Variants in FGD6 observed in about 807,000 individuals in gnomAD.
FGD6 encodes FYVE, RhoGEF and PH domain-containing protein 6.
FGD6 carries 90 observed loss-of-function variants against 149.4 expected under a neutral mutation model. The ratio of observed to expected loss-of-function variants is 0.60; its 90% CI spans 0.51 to 0.72. The LOEUF (loss-of-function observed/expected upper bound fraction) is 0.72. Ranked by LOEUF, FGD6 falls within the 30% of genes least tolerant of loss-of-function variation. FGD6 has a pLI of 0.00. For missense variants in FGD6, 1,437 were observed against 1,684.8 expected, an observed-to-expected ratio of 0.85 and a Z score of 2.57; for synonymous variants, 527 against 584.0, an observed-to-expected ratio of 0.90 and a Z score of 1.41.
chr12:95,150,008 A>ACG (rs1160725234), intron 5 of FGD6, among the ~76,000 whole-genome samples: 2 of 98,174 alleles, frequency 2.0e-5, no homozygotes, highest in African/African-American at 7.0e-5. Flanking sequence ...ACACACACAC[A>ACG]CACACACACA....
chr12:95,155,655 A>G (rs949910524), intron 3 of FGD6, among the ~76,000 whole-genome samples: 3 of 152,242 alleles, frequency 2.0e-5, no homozygotes, highest in African/African-American at 7.2e-5. Flanking sequence ...AACCATTAGA[A>G]TCATAAATAG....
At position 95,210,384 on chromosome 12, in the gene FGD6, G is replaced by C. The variant is rs144086293; in HGVS notation, c.900C>G (p.Pro300=). 4.3e-5 allele frequency: 69 copies of C among 1,613,540 alleles called. No homozygotes were observed. In the African/African-American group the frequency reaches 8.5e-4, roughly 20 times the overall value. The change falls in exon 2 of 21, where the codon CCC becomes CCG. Residue 300 remains proline (P), a synonymous_variant. Transcript: ENST00000343958. ...TATATGGTACTAAATGAATTTCTAA[G>C]GGACCAAGGTCTTTGACTTCTGATT... ...SKKSEVKDLG[P]LEIHLVPYTP...
chr12:95,107,575 T>A lies in FGD6; in HGVS notation c.3321A>T (p.Arg1107=). ...MKLSRKVMQP[R]MFFLFNDALL... ...CAAGTCCTCTTACCAGGAAAAACAT[T>A]CGAGGTTGCATCACTTTCCGAGACA... Residue 1107 remains arginine, a synonymous_variant, in exon 12 of 21, where the codon CGA becomes CGT. Coordinates refer to ENST00000343958, the MANE Select transcript of FGD6 (RefSeq NM_018351.4). 1.2e-6 allele frequency: 2 copies of A among 1,614,084 alleles called. No individual in the cohort carries two copies. Among genetic ancestry groups the A allele is most frequent in the Non-Finnish European group, 1.7e-6 (2 of 1,180,030 alleles).
intron 20 of FGD6, among the ~76,000 whole-genome samples, chr12:95,084,284 C>A (rs1161914738): frequency 6.6e-6 from 1 of 152,208 alleles, no homozygotes; most frequent in Non-Finnish European, 1.5e-5. Context: ...TACCTATTTT[C>A]TTTTCCCCTC....
Position 95,080,061 on chromosome 12 carries a change from C to T in FGD6, c.*1459G>A, listed in dbSNP as rs1592820536. 6.6e-6 allele frequency: 1 copy of T among 151,346 alleles called. No homozygotes were observed. Among genetic ancestry groups the T allele is most frequent in the Non-Finnish European group, 1.5e-5 (1 of 68,118 alleles). 9.4% of individuals were successfully genotyped at this position (151,346 alleles called of 1,614,324 possible). On this transcript the variant is annotated 3_prime_UTR_variant, in exon 21 of 21. Transcript: ENST00000343958. Reference sequence around the variant, plus strand: ...CTGCCTCCTGGGTTCAAGCGATGCTCCTGCCTCAGCCTGCTGAATAGCTAG... The same window carrying T: ...CTGCCTCCTGGGTTCAAGCGATGCTTCTGCCTCAGCCTGCTGAATAGCTAG...
At chr12:95,100,688 A>T (rs1878398320) in intron 14 of FGD6, 1 of 539,142 alleles carries the variant, frequency 1.9e-6, no homozygotes, top group Non-Finnish European at 3.8e-6. Flanking sequence ...GAATTCACCA[A>T]GAGCAATGTG....
chr12:95,174,354 G>T (rs941780403), intron 2 of FGD6, among the ~76,000 whole-genome samples: 1 of 152,110 alleles, frequency 6.6e-6, no homozygotes, highest in Admixed American at 6.6e-5. Context: ...TGTTTTTATC[G>T]TAATTCCTTA....
intron 8 of FGD6, among the ~76,000 whole-genome samples, chr12:95,129,481 C>T (rs773360296): frequency 6.6e-6 from 1 of 152,074 alleles, no homozygotes; most frequent in Non-Finnish European, 1.5e-5. Flanking sequence ...AGGATCTATG[C>T]CTGACACTGG....
intron 3 of FGD6, among the ~76,000 whole-genome samples, chr12:95,156,404 A>C (rs191159859): frequency 6.6e-6 from 1 of 151,976 alleles, no homozygotes; most frequent in South Asian, 2.1e-4. Flanking sequence ...GATGAAATAA[A>C]CCCCAGTCTC....
At chr12:95,117,680 G>C (rs915369271) in intron 8 of FGD6, among the ~76,000 whole-genome samples, 2 of 152,152 alleles carry the variant, frequency 1.3e-5, no homozygotes, top group Admixed American at 6.5e-5. Context: ...TCTCACCCTG[G>C]CCTCCCAAAG....
In FGD6 at chr12:95,217,224, C is replaced by T. The variant is rs776451150; in HGVS notation, c.16+1G>A. 1 of 1,612,342 alleles carries T rather than the reference C, an allele frequency of 6.2e-7. No homozygotes were observed. The highest frequency in any genetic ancestry group is 1.1e-5 in the South Asian group (1 of 90,960). ...GCGGCAGCGCGAGCGCCGTCACTTA[C>T]CGGCTGCAGAAGTCATGATTCCCCG... is the stretch of plus-strand genomic sequence containing the variant. On this transcript the variant is annotated splice_donor_variant, in intron 1 of 20. Coordinates refer to ENST00000343958, the MANE Select transcript of FGD6 (RefSeq NM_018351.4). LOFTEE classifies it high-confidence loss of function.
chr12:95,125,693 A>G, intron 8 of FGD6: 1 of 499,376 alleles, frequency 2.0e-6, no homozygotes, highest in South Asian at 2.1e-5. Flanking sequence ...ATTCAATACT[A>G]TCTCTCAAAA....
chr12:95,084,551 G>A lies in FGD6; in HGVS notation c.4203C>T (p.His1401=), dbSNP rs773391972. The A allele has an allele frequency of 1.2e-6, 2 of 1,604,846 alleles. No homozygotes were observed. The highest frequency in any genetic ancestry group is 1.7e-6 in the Non-Finnish European group (2 of 1,176,912). Residue 1401 remains histidine, a synonymous_variant, in exon 20 of 21, where the codon CAC becomes CAT. Transcript: ENST00000343958. The part of the protein sequence containing the change: ...NSESKVFQLL[H]KNMLFYVFKA... ...TGAATACATAAAATAACATGTTTTT[G>A]TGCAGTAACTGAAATACTTTAGACT...
At chr12:95,201,640 G>A (rs1322710242) in intron 2 of FGD6, among the ~76,000 whole-genome samples, 3 of 152,026 alleles carry the variant, frequency 2.0e-5, no homozygotes, top group African/African-American at 7.2e-5. Flanking sequence ...AGAACATAGT[G>A]GGCCCTCCTT....
intron 8 of FGD6, among the ~76,000 whole-genome samples, chr12:95,128,784 G>A (rs1307262527): frequency 6.6e-6 from 1 of 152,204 alleles, no homozygotes; most frequent in Non-Finnish European, 1.5e-5. Context: ...CCAGCTCAGG[G>A]CCAACTTATA....
chr12:95,210,405 T>G lies in FGD6; in HGVS notation c.879A>C (p.Ser293=), dbSNP rs1317708670. The G allele has an allele frequency of 6.2e-7, 1 of 1,614,084 alleles. No homozygotes were observed. The highest frequency in any genetic ancestry group is 1.7e-5 in the Admixed American group (1 of 59,998). The change falls in exon 2 of 21, where the codon TCA becomes TCC. Residue 293 remains serine (S), a synonymous_variant. Transcript: ENST00000343958. ...LISSDGVSKK[S]EVKDLGPLEI... is the part of the protein sequence containing the mutation. The stretch of plus-strand genomic sequence containing the variant: ...CTAAGGGACCAAGGTCTTTGACTTC[T>G]GATTTCTTACTAACTCCATCTGAAG...
intron 1 of FGD6, among the ~76,000 whole-genome samples, chr12:95,216,025 G>A (rs2056763491): frequency 6.6e-6 from 1 of 152,190 alleles, no homozygotes; most frequent in East Asian, 1.9e-4. Context: ...AGAAAAGAGA[G>A]TTTATAAAGA....
intron 8 of FGD6, among the ~76,000 whole-genome samples, chr12:95,129,533 A>C (rs1879456837): frequency 6.6e-6 from 1 of 152,228 alleles, no homozygotes. Flanking sequence ...AGAGATGAGA[A>C]AGAAGAAGAT....
At chr12:95,113,827 T>C (rs1037190353) in intron 8 of FGD6, 126 bp from the exon 9 acceptor site, 26 of 534,788 alleles carry the variant, frequency 4.9e-5, no homozygotes, top group Non-Finnish European at 8.3e-5. Context: ...TTGTGCTAAC[T>C]TTCTAAAAAT....
Sources: gnomAD v4.1 joint callset for allele counts (sites outside exome capture counted in the v4.1 genomes callset) on GRCh38, gnomAD v4.1.1 for gene constraint, MANE v1.5 for transcripts, NCBI Gene and HGNC (gene_info 2026-07-23, HGNC 2026-07-21) for gene names.